Variants in CDH6 observed in about 807,000 individuals in gnomAD.
CDH6 encodes cadherin-6.
In CDH6, 31 loss-of-function variants were observed where a neutral mutation model predicts 78.0. The observed-to-expected ratio is 0.40, with a 90% confidence interval of 0.30 to 0.54. CDH6 has a LOEUF of 0.54. CDH6 is among the 20% of genes least tolerant of loss of function. CDH6 has a pLI of 0.56. For synonymous variants in CDH6, 376 were observed against 368.8 expected (o/e 1.02, Z -0.23); for missense variants, 724 against 975.9 (o/e 0.74, Z 3.44).
At chr5:31,251,575 A>G (rs902590820) in intron 1 of CDH6, 25 of 152,200 alleles carry the variant, frequency 1.6e-4, no homozygotes, top group African/African-American at 6.0e-4. Context: ...CTCAGCTCTG[A>G]GAGTTGCAAA....
intron 11 of CDH6, among the ~76,000 whole-genome samples, chr5:31,320,519 C>T (rs1301121863): frequency 2.0e-5 from 3 of 152,122 alleles, no homozygotes; most frequent in African/African-American, 7.2e-5. Context: ...GTTCTCTAAT[C>T]CCAATGGATG....
intron 4 of CDH6, among the ~76,000 whole-genome samples, chr5:31,299,261 G>C (rs958640676): frequency 6.6e-6 from 1 of 151,646 alleles, no homozygotes; most frequent in African/African-American, 2.4e-5. Context: ...TGTATTACAG[G>C]CTTTTTTTAA....
At chr5:31,244,752 T>C (rs1339280586) in intron 1 of CDH6, among the ~76,000 whole-genome samples, 1 of 152,140 alleles carries the variant, frequency 6.6e-6, no homozygotes, top group Admixed American at 6.5e-5. Flanking sequence ...AGAAAGAGTC[T>C]TGAAATGCCT....
At chr5:31,245,174 A>C (rs919086464) in intron 1 of CDH6, among the ~76,000 whole-genome samples, 1 of 152,220 alleles carries the variant, frequency 6.6e-6, no homozygotes, top group Non-Finnish European at 1.5e-5. Flanking sequence ...TGACCACTGC[A>C]TGTATATGAC....
At chr5:31,272,791 C>T (rs1742563341) in intron 2 of CDH6, among the ~76,000 whole-genome samples, 1 of 152,158 alleles carries the variant, frequency 6.6e-6, no homozygotes, top group South Asian at 2.1e-4. Context: ...TTTTTAGTAA[C>T]ATGCCAGGAA....
intron 1 of CDH6, among the ~76,000 whole-genome samples, chr5:31,234,891 A>T (rs1741409618): frequency 6.6e-6 from 1 of 152,164 alleles, no homozygotes; most frequent in African/African-American, 2.4e-5. Context: ...ATGATATTGA[A>T]GCTACTTTAA....
chr5:31,236,473 T>G (rs1160839416), intron 1 of CDH6, among the ~76,000 whole-genome samples: 1 of 152,146 alleles, frequency 6.6e-6, no homozygotes, highest in Admixed American at 6.5e-5. Flanking sequence ...GAGGCACATT[T>G]CTCTCCGATC....
chr5:31,203,608 T>C (rs1431440679), intron 1 of CDH6, among the ~76,000 whole-genome samples: 2 of 150,050 alleles, frequency 1.3e-5, no homozygotes, highest in Non-Finnish European at 3.0e-5. Flanking sequence ...TAGTATTCCA[T>C]GGTGTATATG....
chr5:31,233,885 C>T (rs1438613086), intron 1 of CDH6, among the ~76,000 whole-genome samples: 1 of 152,204 alleles, frequency 6.6e-6, no homozygotes, highest in African/African-American at 2.4e-5. Flanking sequence ...GACTATCATT[C>T]ACTTGCTTCG....
At chr5:31,230,895 A>G (rs1192573612) in intron 1 of CDH6, among the ~76,000 whole-genome samples, 1 of 152,222 alleles carries the variant, frequency 6.6e-6, no homozygotes, top group Non-Finnish European at 1.5e-5. Context: ...ATTAGTGTGA[A>G]TCTTTATGCA....
chr5:31,253,410 C>T (rs951518703), intron 1 of CDH6, among the ~76,000 whole-genome samples: 4 of 152,212 alleles, frequency 2.6e-5, no homozygotes, highest in African/African-American at 9.6e-5. Context: ...CTTTCCCCTT[C>T]CTCCATGATT....
chr5:31,254,600 A>G (rs994062183), intron 1 of CDH6, among the ~76,000 whole-genome samples: 7 of 152,206 alleles, frequency 4.6e-5, no homozygotes, highest in African/African-American at 1.4e-4. Flanking sequence ...GATTTCAGGC[A>G]CCTATTGGGG....
At chr5:31,279,792 T>C (rs1226217771) in intron 2 of CDH6, among the ~76,000 whole-genome samples, 1 of 152,200 alleles carries the variant, frequency 6.6e-6, no homozygotes, top group Non-Finnish European at 1.5e-5. Context: ...TTCAAATTCA[T>C]GTTGTTCAAA....
chr5:31,255,449 T>A (rs188408719), intron 1 of CDH6, among the ~76,000 whole-genome samples: 1 of 152,254 alleles, frequency 6.6e-6, no homozygotes, highest in Non-Finnish European at 1.5e-5. Flanking sequence ...GGCATTTCTT[T>A]GGTGGTATAA....
intron 3 of CDH6, 137 bp from the exon 4 acceptor site, chr5:31,297,152 C>T: frequency 1.4e-6 from 1 of 721,270 alleles, no homozygotes; most frequent in Non-Finnish European, 2.4e-6. Flanking sequence ...TCCTTTTTCA[C>T]CCAGCATCCT....
chr5:31,304,934 T>C lies in CDH6; in HGVS notation c.1000-240T>C, dbSNP rs565946913. Among the ~76,000 whole-genome samples, 3 of 152,298 alleles carry C rather than the reference T, an allele frequency of 2.0e-5. No individual in the cohort carries two copies. In the South Asian group the frequency reaches 6.2e-4, roughly 32 times the overall value. On this transcript the variant is annotated intron_variant, in intron 6 of 11. Transcript: ENST00000265071. ...TCAGCCCATACATTTTTCAGGGCTG[T>C]GTGGCTTCTGAACTCCTTCACAAAC...
intron 2 of CDH6, among the ~76,000 whole-genome samples, chr5:31,272,269 G>C (rs1420350099): frequency 6.6e-6 from 1 of 152,224 alleles, no homozygotes; most frequent in Non-Finnish European, 1.5e-5. Context: ...CAGAGTGAAT[G>C]AGTCCTAACA....
intron 1 of CDH6, among the ~76,000 whole-genome samples, chr5:31,241,292 C>T (rs1172376646): frequency 1.3e-5 from 2 of 150,010 alleles, no homozygotes; most frequent in Non-Finnish European, 3.0e-5. Flanking sequence ...TGTACAGTTT[C>T]CTAAGATGAT....
At chr5:31,227,473 C>T (rs752165771) in intron 1 of CDH6, among the ~76,000 whole-genome samples, 1 of 152,004 alleles carries the variant, frequency 6.6e-6, no homozygotes, top group Non-Finnish European at 1.5e-5. Context: ...AAGTTATTTG[C>T]TTTATAGTTT....
Sources: gnomAD v4.1 joint callset for allele counts (sites outside exome capture counted in the v4.1 genomes callset) on GRCh38, gnomAD v4.1.1 for gene constraint, MANE v1.5 for transcripts, NCBI Gene and HGNC (gene_info 2026-07-23, HGNC 2026-07-21) for gene names.